Variants in NAA11 observed in about 807,000 individuals in gnomAD.
The protein encoded by NAA11 is N-alpha-acetyltransferase 11.
Under a neutral mutation model 16.1 loss-of-function variants are expected in NAA11, and 15 were observed. The observed-to-expected ratio is 0.93, with a 90% CI of 0.62 to 1.44. The LOEUF is 1.44. Among genes scored for constraint, NAA11 ranks in the 40% most tolerant of loss-of-function variants. The probability of loss-of-function intolerance (pLI) is 0.00; values close to 1 mark genes in which losing one functional copy is unlikely to be tolerated. For synonymous variants in NAA11, 122 were observed against 112.4 expected, an observed-to-expected ratio of 1.09 and a Z score of -0.54; for missense variants, 298 against 291.3, an observed-to-expected ratio of 1.02 and a Z score of -0.17.
intron 1 of NAA11, among the ~76,000 whole-genome samples, chr4:79,305,705 A>C (rs1466864975): frequency 6.6e-6 from 1 of 152,202 alleles, no homozygotes; most frequent in East Asian, 1.9e-4. Context: ...GGACACTTAA[A>C]AGAATAGAAT....
chr4:79,190,808 C>T, the NAA11 span, among the ~76,000 whole-genome samples: 2 of 151,908 alleles, frequency 1.3e-5, no homozygotes, highest in African/African-American at 4.8e-5. Context: ...CTTTTATGCT[C>T]CTCTCCCTCC....
At chr4:79,266,608 C>T (rs187551882) in intron 2 of NAA11, among the ~76,000 whole-genome samples, 13 of 152,278 alleles carry the variant, frequency 8.5e-5, no homozygotes, top group South Asian at 4.1e-4. Flanking sequence ...CAGAAGCTGA[C>T]GGTTTTGCAC....
intron 2 of NAA11, among the ~76,000 whole-genome samples, chr4:79,246,246 C>T (rs1721820000): frequency 6.6e-6 from 1 of 152,056 alleles, no homozygotes; most frequent in Non-Finnish European, 1.5e-5. Context: ...CGGAAGGCTG[C>T]AGGGTCCTCT....
chr4:79,238,793 A>G (rs1299033093), intron 2 of NAA11, among the ~76,000 whole-genome samples: 6 of 152,216 alleles, frequency 3.9e-5, no homozygotes, highest in Admixed American at 6.5e-5. Flanking sequence ...CCTTGGAATA[A>G]TCAGCAGCAG....
At position 79,252,633 on chromosome 4, in the gene NAA11, G is replaced by A. The variant is rs1722021569; in HGVS notation, c.*123-26363C>T. On this transcript the variant is annotated intron_variant and NMD_transcript_variant, in intron 2 of 2. Coordinates refer to the NAA11 transcript ENST00000511542. ...AGTGAAATTTGATCAGATAATTAAA[G>A]TGAGAAGAAATTCATGTTGCAGCTC... is the stretch of plus-strand genomic sequence containing the variant. Among the ~76,000 whole-genome samples, 5 of 152,314 alleles carry A rather than the reference G, an allele frequency of 3.3e-5. No homozygotes were observed. The South Asian group carries it at 1.0e-3, about 32-fold the overall frequency.
rs1040914173 is a variant in NAA11, at chr4:79,325,626, G to A, written c.252C>T (p.Leu84=). 5 of 1,614,056 alleles carry A rather than the reference G, an allele frequency of 3.1e-6. No individual in the cohort carries two copies. Among genetic ancestry groups the A allele is most frequent in the East Asian group, 4.5e-5 (2 of 44,872 alleles). Residue 84 remains leucine (L), a synonymous_variant, in exon 1 of 2, where the codon CTC becomes CTT. Coordinates refer to ENST00000286794, the MANE Select transcript of NAA11 (RefSeq NM_032693.3). ...SLAVKRSHRR[L]GLAQKLMDQA... is the part of the protein sequence containing the mutation. ...GGTCCATCAGCTTCTGGGCCAGGCC[G>A]AGGCGCCGGTGTGAACGCTTCACGG...
At chr4:79,246,409 AGAATTTGAGCAGTTTT>A (rs1721835329) in intron 2 of NAA11, among the ~76,000 whole-genome samples, 1 of 148,538 alleles carries the variant, frequency 6.7e-6, no homozygotes, top group Non-Finnish European at 1.5e-5. Flanking sequence ...AGAAAAAATA[AGAATTTGAGCAGTTTT>A]AAAACTTAGA....
intron 2 of NAA11, among the ~76,000 whole-genome samples, chr4:79,243,095 T>C (rs957910994): frequency 6.6e-6 from 1 of 152,160 alleles, no homozygotes; most frequent in Non-Finnish European, 1.5e-5. Flanking sequence ...AATTTCTGGG[T>C]AGTGGTCTGA....
chr4:79,217,337 A>C, the NAA11 span, among the ~76,000 whole-genome samples: 16 of 152,312 alleles, frequency 1.1e-4, no homozygotes, highest in African/African-American at 3.8e-4. Context: ...GCTGTGAAAG[A>C]GCTGCCAGAG....
chr4:79,226,676 GTGTT>G (rs921587357), intron 2 of NAA11, among the ~76,000 whole-genome samples: 1 of 149,784 alleles, frequency 6.7e-6, no homozygotes, highest in African/African-American at 2.5e-5. Context: ...AGAACATGTG[GTGTT>G]TGTTTTTTTG....
intron 2 of NAA11, among the ~76,000 whole-genome samples, chr4:79,247,802 C>G (rs1393471167): frequency 1.3e-5 from 2 of 152,180 alleles, no homozygotes; most frequent in Admixed American, 6.5e-5. Flanking sequence ...GAGCAACCTC[C>G]TCTCACCACT....
At chr4:79,309,556 G>T (rs1578191995) in intron 1 of NAA11, among the ~76,000 whole-genome samples, 1 of 152,138 alleles carries the variant, frequency 6.6e-6, no homozygotes, top group East Asian at 1.9e-4. Context: ...TTTGTCCAAG[G>T]ATATGTTAGG....
the NAA11 span, among the ~76,000 whole-genome samples, chr4:79,208,925 C>CAAAAAAAAAAAAAAA: frequency 1.9e-5 from 1 of 53,968 alleles, no homozygotes; most frequent in African/African-American, 5.8e-5. Context: ...ATATAACTGC[C>CAAAAAAAAAAAAAAA]AAAAAAAAAA....
intron 2 of NAA11, among the ~76,000 whole-genome samples, chr4:79,268,126 G>A (rs1338449811): frequency 6.6e-6 from 1 of 152,140 alleles, no homozygotes; most frequent in Non-Finnish European, 1.5e-5. Flanking sequence ...TGATGAATCT[G>A]AAGGAAAGGT....
chr4:79,194,636 T>C, the NAA11 span, among the ~76,000 whole-genome samples: 1 of 152,092 alleles, frequency 6.6e-6, no homozygotes, highest in East Asian at 1.9e-4. Context: ...TCAACTAAGA[T>C]TATATTCTGG....
downstream of NAA11, among the ~76,000 whole-genome samples, chr4:79,223,194 A>G (rs544024060): frequency 4.2e-4 from 63 of 151,262 alleles, no homozygotes; most frequent in African/African-American, 1.5e-3. Context: ...ACTCATGCAC[A>G]CGTATGTTTA....
chr4:79,170,135 A>G, the NAA11 span, among the ~76,000 whole-genome samples: 3 of 152,310 alleles, frequency 2.0e-5, no homozygotes, highest in South Asian at 6.2e-4. Context: ...GATACAATAC[A>G]TTCCACCTAG....
Position 79,317,577 on chromosome 4 carries a change from G to T in NAA11, c.*227C>A, listed in dbSNP as rs913271632. 1.3e-5 allele frequency: 2 copies of T among 152,240 alleles called. No homozygotes were observed. The highest frequency in any genetic ancestry group is 2.9e-5 in the Non-Finnish European group (2 of 68,088). The allele number at this position is 152,240 out of a possible 1,614,324, so 9.4% of individuals were successfully genotyped here. On this transcript the variant is annotated 3_prime_UTR_variant, in exon 2 of 2. Coordinates refer to ENST00000286794, the MANE Select transcript of NAA11 (RefSeq NM_032693.3). ...GCCAAGAAAGGTTCTGTAATGGCAG[G>T]TCTCAAAGTTCCTTGGCTGTTGTGC...
chr4:79,194,205 A>AC, the NAA11 span, among the ~76,000 whole-genome samples: 137,316 of 152,072 alleles, frequency 0.9, 62,150 homozygotes, highest in Non-Finnish European at 0.93. Context: ...CTAATTGAAT[A>AC]CTGTCGTTGG....
Sources: gnomAD v4.1 joint callset for allele counts (sites outside exome capture counted in the v4.1 genomes callset) on GRCh38, gnomAD v4.1.1 for gene constraint, MANE v1.5 for transcripts, NCBI Gene and HGNC (gene_info 2026-07-23, HGNC 2026-07-21) for gene names.